The following RNF168 variants were observed in gnomAD, a reference collection of about 807,000 sequenced individuals.
RNF168 encodes the protein ring finger protein 168.
In RNF168, 34 loss-of-function variants were observed where a neutral mutation model predicts 34.9. The observed-to-expected ratio is 0.97, with a 90% CI of 0.74 to 1.30. RNF168 has a LOEUF of 1.30. Ranked by LOEUF, RNF168 falls within the 50% of genes most tolerant of loss-of-function variation. RNF168 has a pLI of 0.00. For missense variants in RNF168, 725 were observed against 682.5 expected (o/e 1.06, Z -0.69); for synonymous variants, 264 against 254.7 (o/e 1.04, Z -0.35).
At chr3:196,487,265 C>A in intron 3 of RNF168, 134 bp downstream of exon 3, 1 of 837,582 alleles carries the variant, frequency 1.2e-6, no homozygotes, top group Admixed American at 1.7e-5. Flanking sequence ...ATCCAACCAG[C>A]CTGGGGTGGA....
At chr3:196,502,404 T>C (rs971690250) in intron 1 of RNF168, among the ~76,000 whole-genome samples, 2 of 151,968 alleles carry the variant, frequency 1.3e-5, no homozygotes, top group Non-Finnish European at 2.9e-5. Flanking sequence ...CTGGCCAACA[T>C]GGTGAAATCC....
Position 196,499,583 on chromosome 3 carries a change from G to A in RNF168, c.301+3290C>T, listed in dbSNP as rs190176821. Among the ~76,000 whole-genome samples the A allele has an allele frequency of 1.4e-3, 215 of 152,220 alleles. 2 individuals are homozygous for A. Among genetic ancestry groups the A allele is most frequent in the African/African-American group, 4.9e-3 (204 of 41,530 alleles). ...CACGCTTGTAATCCCAGCACTTTTGGAGGCCAAGACAGGTGGATCACGAGG... is the reference window on the plus strand; with the variant it reads ...CACGCTTGTAATCCCAGCACTTTTGAAGGCCAAGACAGGTGGATCACGAGG... On this transcript the variant is annotated intron_variant, in intron 1 of 5. Transcript: ENST00000318037.
intron 3 of RNF168, 107 bp downstream of exon 3, chr3:196,487,292 G>A: frequency 1.0e-6 from 1 of 981,228 alleles, no homozygotes; most frequent in Non-Finnish European, 1.6e-6. Context: ...AATATTTGTG[G>A]GATGCAGAAC....
At chr3:196,484,372 C>T (rs1577514607) in intron 3 of RNF168, among the ~76,000 whole-genome samples, 1 of 150,902 alleles carries the variant, frequency 6.6e-6, no homozygotes, top group East Asian at 1.9e-4. Context: ...GATGGGGTTT[C>T]ACTGTGTTAG....
chr3:196,485,235 T>G (rs1732393866), intron 3 of RNF168, among the ~76,000 whole-genome samples: 1 of 152,154 alleles, frequency 6.6e-6, no homozygotes, highest in Non-Finnish European at 1.5e-5. Flanking sequence ...AGGTTGGGCA[T>G]GGTGGTTCAT....
chr3:196,501,489 C>A (rs9869437), intron 1 of RNF168, among the ~76,000 whole-genome samples: 69,427 of 151,826 alleles, frequency 0.46, 17,220 homozygotes, highest in East Asian at 0.69. Context: ...TGCATGAGTC[C>A]CTTCTATGAA....
intron 1 of RNF168, among the ~76,000 whole-genome samples, chr3:196,497,740 G>A (rs1360155342): frequency 6.6e-6 from 1 of 152,002 alleles, no homozygotes; most frequent in African/African-American, 2.4e-5. Flanking sequence ...GTAGCTAAAG[G>A]TTTCTTAGAC....
In RNF168 at chr3:196,502,860, ATGGT is replaced by A. The variant is rs1442993068; in HGVS notation, c.301+9_301+12del. 2 of 1,610,868 alleles carry A rather than the reference ATGGT, an allele frequency of 1.2e-6. No individual in the cohort carries two copies. ...GCGGCTTTTGGCCAACAAACACGCC[ATGGT>A]TTACTCACCCACTTCCTCTGATTCT... On this transcript the variant is annotated intron_variant, in intron 1 of 5. Coordinates refer to ENST00000318037, the MANE Select transcript of RNF168 (RefSeq NM_152617.4).
intron 4 of RNF168, among the ~76,000 whole-genome samples, chr3:196,480,003 G>A (rs773874699): frequency 9.9e-5 from 15 of 152,142 alleles, no homozygotes; most frequent in African/African-American, 2.7e-4. Context: ...AGTACAGCAC[G>A]GTCACGGGGA....
chr3:196,474,996 G>A (rs1252470006), intron 5 of RNF168: 3 of 489,854 alleles, frequency 6.1e-6, no homozygotes, highest in Non-Finnish European at 1.1e-5. Context: ...AACTGCAAAG[G>A]CGAAAATATT....
Position 196,483,757 on chromosome 3 carries a change from C to A in RNF168, c.680+13G>T. The A allele has an allele frequency of 1.2e-6, 2 of 1,607,288 alleles. No individual in the cohort carries two copies. Among genetic ancestry groups the A allele is most frequent in the South Asian group, 2.2e-5 (2 of 90,890 alleles). On this transcript the variant is annotated intron_variant, in intron 4 of 5. Coordinates refer to ENST00000318037, the MANE Select transcript of RNF168 (RefSeq NM_152617.4). The stretch of plus-strand genomic sequence containing the variant: ...AGGAGGTCAACAAATAATTCATAGT[C>A]ATGTTCACTTACTTCTGAATATCTC...
At chr3:196,476,723 C>G (rs142516625) in intron 4 of RNF168, among the ~76,000 whole-genome samples, 57 of 147,088 alleles carry the variant, frequency 3.9e-4, no homozygotes, top group African/African-American at 1.3e-3. Flanking sequence ...GCCCTCAACT[C>G]TCTTCTTAGA....
chr3:196,484,258 C>A (rs569243213), intron 3 of RNF168, among the ~76,000 whole-genome samples: 2 of 149,196 alleles, frequency 1.3e-5, no homozygotes, highest in East Asian at 3.9e-4. Context: ...GCAAGCTCCA[C>A]CCCCGCAGGT....
intron 4 of RNF168, among the ~76,000 whole-genome samples, 179 bp downstream of exon 4, chr3:196,483,591 T>G (rs1291136388): frequency 6.6e-6 from 1 of 152,194 alleles, no homozygotes; most frequent in African/African-American, 2.4e-5. Flanking sequence ...AGTGGCTGAG[T>G]GAGAAGCCAA....
At chr3:196,490,945 G>A (rs1443338990) in intron 1 of RNF168, among the ~76,000 whole-genome samples, 1 of 152,234 alleles carries the variant, frequency 6.6e-6, no homozygotes, top group African/African-American at 2.4e-5. Context: ...AAGTCTTAAA[G>A]TAGAATCTAC....
chr3:196,499,361 T>A lies in RNF168; in HGVS notation c.301+3512A>T, dbSNP rs1393734374. Among the ~76,000 whole-genome samples the A allele has an allele frequency of 2.0e-5, 3 of 152,160 alleles. No homozygotes were observed. The South Asian group carries it at 6.2e-4, about 31-fold the overall frequency. ...TCTCTCCCAGAGCCTTCAATGTACA[T>A]GTCCCTGCTCCCTGCTAGCATCTTG... On this transcript the variant is annotated intron_variant, in intron 1 of 5. Transcript: ENST00000318037.
intron 1 of RNF168, among the ~76,000 whole-genome samples, chr3:196,492,526 G>A (rs556070543): frequency 3.3e-5 from 5 of 151,996 alleles, no homozygotes; most frequent in East Asian, 1.9e-4. Flanking sequence ...CTGTAATCCC[G>A]GCACTTTGGG....
Position 196,487,385 on chromosome 3 carries a change from C to T in RNF168, c.558+14G>A. On this transcript the variant is annotated intron_variant, in intron 3 of 5. Transcript: ENST00000318037. ...AGGGATGACCATACCTTAGCGTTCC[C>T]TCCTAAAACTTACAATATCAATGCT... 1 of 1,609,786 alleles carries T rather than the reference C, an allele frequency of 6.2e-7. No individual in the cohort carries two copies. The highest frequency in any genetic ancestry group is 1.1e-5 in the South Asian group (1 of 90,994).
At chr3:196,490,371 G>A (rs1334373793) in intron 1 of RNF168, among the ~76,000 whole-genome samples, 1 of 152,164 alleles carries the variant, frequency 6.6e-6, no homozygotes, top group Non-Finnish European at 1.5e-5. Context: ...AGGGGCAGCT[G>A]CTACTCAACT....
Sources: allele counts gnomAD v4.1 joint callset (sites outside exome capture counted in the v4.1 genomes callset), GRCh38; gene constraint gnomAD v4.1.1; transcripts MANE v1.5; gene names NCBI Gene and HGNC (gene_info 2026-07-23, HGNC 2026-07-21).